RBFOX1: variants seen among roughly 807,000 people sequenced by gnomAD.
RBFOX1 encodes RNA binding fox-1 homolog 1, also known as RNA binding protein fox-1 homolog 1.
In RBFOX1, 8 loss-of-function variants were observed where a neutral mutation model predicts 57.7. The observed-to-expected ratio is 0.14, with a 90% confidence interval of 0.08 to 0.25. The LOEUF is 0.25. Among genes scored for constraint, RBFOX1 ranks in the 10% least tolerant of loss-of-function variants. The pLI, the probability that RBFOX1 is intolerant of heterozygous loss-of-function variation, is 1.00. For synonymous variants in RBFOX1, 326 were observed against 222.4 expected (o/e 1.47, Z -4.15); for missense variants, 611 against 548.5 (o/e 1.11, Z -1.14).
intron 4 of RBFOX1, among the ~76,000 whole-genome samples, chr16:5,870,119 C>T (rs981073328): frequency 6.7e-6 from 1 of 149,458 alleles, no homozygotes; most frequent in African/African-American, 2.4e-5. Context: ...ATATACACAC[C>T]TACATTTATA....
chr16:7,040,464 A>C (rs201423556), intron 3 of RBFOX1, among the ~76,000 whole-genome samples: 14,300 of 152,178 alleles, frequency 0.094, 1,098 homozygotes, highest in East Asian at 0.32. Flanking sequence ...TGCTGCTCTT[A>C]GTATGAATTT....
chr16:5,895,221 CT>C (rs1196410011), intron 4 of RBFOX1, among the ~76,000 whole-genome samples: 1 of 152,174 alleles, frequency 6.6e-6, no homozygotes, highest in East Asian at 1.9e-4. Context: ...TAAGTCTTAA[CT>C]TAGTTGAGGC....
intron 3 of RBFOX1, among the ~76,000 whole-genome samples, chr16:6,728,450 T>C (rs1054150258): frequency 5.9e-5 from 9 of 152,228 alleles, no homozygotes; most frequent in African/African-American, 1.9e-4. Context: ...TTGGAAATTG[T>C]TCATCTCTAT....
intron 2 of RBFOX1, among the ~76,000 whole-genome samples, chr16:6,552,585 A>T (rs1408287560): frequency 1.3e-5 from 2 of 152,232 alleles, no homozygotes; most frequent in Non-Finnish European, 2.9e-5. Flanking sequence ...AAACAACAAT[A>T]CTTGAGGAAT....
intron 4 of RBFOX1, among the ~76,000 whole-genome samples, chr16:7,124,905 T>G (rs2068102475): frequency 6.6e-6 from 1 of 152,086 alleles, no homozygotes; most frequent in Non-Finnish European, 1.5e-5. Flanking sequence ...GTGACAGCGT[T>G]ATGAGCTAAT....
chr16:7,685,142 G>T (rs2075784529), intron 14 of RBFOX1, among the ~76,000 whole-genome samples: 1 of 152,044 alleles, frequency 6.6e-6, no homozygotes, highest in South Asian at 2.1e-4. Flanking sequence ...ACTCCAGAAT[G>T]ACTAGTGAAG....
intron 4 of RBFOX1, among the ~76,000 whole-genome samples, chr16:7,181,240 C>T (rs186617249): frequency 1.5e-4 from 23 of 152,126 alleles, no homozygotes; most frequent in African/African-American, 5.3e-4. Context: ...TGCTATGCCC[C>T]GATGAGCATG....
At chr16:6,554,867 C>T (rs974466015) in intron 2 of RBFOX1, among the ~76,000 whole-genome samples, 1 of 148,150 alleles carries the variant, frequency 6.7e-6, no homozygotes, top group South Asian at 2.1e-4. Context: ...GTCGCTCTCT[C>T]TCTCACTCAT....
Position 7,093,768 on chromosome 16 carries a change from A to G in RBFOX1, c.27+41670A>G, listed in dbSNP as rs530577818. On this transcript the variant is annotated intron_variant, in intron 4 of 15. Transcript: ENST00000550418. ...CAGAAGCTGTTGATGTAAATTGATC[A>G]GTACTTTTTTGTGTTTTCCTGAAAT... is the stretch of plus-strand genomic sequence containing the variant. 5.3e-5 allele frequency among the ~76,000 whole-genome samples: 8 copies of G among 152,202 alleles called. No individual in the cohort carries two copies. In the South Asian group the frequency reaches 6.2e-4, roughly 12 times the overall value.
intron 3 of RBFOX1, among the ~76,000 whole-genome samples, chr16:6,890,932 C>A (rs1189178761): frequency 1.3e-5 from 2 of 152,176 alleles, no homozygotes; most frequent in Non-Finnish European, 1.5e-5. Context: ...CAGACTCTTG[C>A]TTGCTTGTGA....
chr16:7,488,102 C>A (rs1479040931), intron 4 of RBFOX1, among the ~76,000 whole-genome samples: 2 of 152,158 alleles, frequency 1.3e-5, no homozygotes, highest in African/African-American at 4.8e-5. Context: ...AAGACCTGAG[C>A]AGGCTGGAGT....
At chr16:6,974,123 C>A (rs1752397803) in intron 3 of RBFOX1, among the ~76,000 whole-genome samples, 2 of 152,074 alleles carry the variant, frequency 1.3e-5, no homozygotes, top group Admixed American at 6.6e-5. Flanking sequence ...CTTTTTATGG[C>A]TGCATAGAAT....
chr16:7,312,034 A>G (rs578183903), intron 4 of RBFOX1, among the ~76,000 whole-genome samples: 1 of 152,354 alleles, frequency 6.6e-6, no homozygotes, highest in South Asian at 2.1e-4. Flanking sequence ...AAATGGGAAC[A>G]CTTAGCTCAG....
At chr16:7,458,923 T>C (rs556687184) in intron 4 of RBFOX1, among the ~76,000 whole-genome samples, 2 of 152,250 alleles carry the variant, frequency 1.3e-5, no homozygotes, top group Non-Finnish European at 2.9e-5. Flanking sequence ...CGGGTAGATA[T>C]TTTAGCATGT....
intron 4 of RBFOX1, among the ~76,000 whole-genome samples, chr16:7,194,964 C>G (rs1416380068): frequency 6.7e-6 from 1 of 150,222 alleles, no homozygotes; most frequent in East Asian, 1.9e-4. Context: ...TCAAAGACAG[C>G]TGAATAACAC....
intron 4 of RBFOX1, among the ~76,000 whole-genome samples, chr16:7,441,643 A>G (rs2098767970): frequency 6.6e-6 from 1 of 152,224 alleles, no homozygotes; most frequent in Admixed American, 6.5e-5. Flanking sequence ...TAGATATGTA[A>G]AGATTACATT....
chr16:5,455,031 C>G (rs1274043429), intron 1 of RBFOX1, among the ~76,000 whole-genome samples: 1 of 89,882 alleles, frequency 1.1e-5, no homozygotes, highest in Non-Finnish European at 2.5e-5. Flanking sequence ...TTCTCTCTCT[C>G]TGTCTGTCTC....
At chr16:5,742,046 A>C (rs1310443022) in intron 3 of RBFOX1, among the ~76,000 whole-genome samples, 1 of 152,232 alleles carries the variant, frequency 6.6e-6, no homozygotes, top group Non-Finnish European at 1.5e-5. Flanking sequence ...ATAATAAATC[A>C]GATTTTTAAA....
At chr16:5,258,700 G>A (rs1318438128) in intron 1 of RBFOX1, among the ~76,000 whole-genome samples, 14 of 152,076 alleles carry the variant, frequency 9.2e-5, no homozygotes, top group Admixed American at 8.5e-4. Flanking sequence ...GGCGGATCAC[G>A]AGGTCAAGAG....
Sources: allele counts gnomAD v4.1 joint callset (sites outside exome capture counted in the v4.1 genomes callset), GRCh38; gene constraint gnomAD v4.1.1; transcripts MANE v1.5; gene names NCBI Gene and HGNC (gene_info 2026-07-23, HGNC 2026-07-21).